The following PRMT8 variants were observed in gnomAD, a reference collection of about 807,000 sequenced individuals.
The protein encoded by PRMT8 is protein arginine N-methyltransferase 8.
In PRMT8, 7 loss-of-function variants were observed where a neutral mutation model predicts 47.1. That is an observed-to-expected ratio of 0.15 (90% CI 0.08 to 0.28). The LOEUF (loss-of-function observed/expected upper bound fraction) is 0.28. Ranked by LOEUF, PRMT8 falls within the 10% of genes least tolerant of loss-of-function variation. The pLI, the probability that PRMT8 is intolerant of heterozygous loss-of-function variation, is 1.00. For missense variants in PRMT8, 237 were observed against 505.4 expected (o/e 0.47, Z 5.09); for synonymous variants, 188 against 186.5 (o/e 1.01, Z -0.07).
intron 1 of PRMT8, among the ~76,000 whole-genome samples, chr12:3,419,859 A>G (rs902739784): frequency 6.6e-6 from 1 of 151,380 alleles, no homozygotes; most frequent in Non-Finnish European, 1.5e-5. Context: ...CACCCCAGCC[A>G]GAAGGATGCT....
At chr12:3,479,954 G>A (rs1040723136) in intron 1 of PRMT8, among the ~76,000 whole-genome samples, 4 of 152,172 alleles carry the variant, frequency 2.6e-5, no homozygotes, top group Non-Finnish European at 5.9e-5. Context: ...AAACGTGTGA[G>A]GGGGAGGATG....
chr12:3,407,367 CT>C (rs56668996), intron 1 of PRMT8, among the ~76,000 whole-genome samples: 46,177 of 150,760 alleles, frequency 0.31, 8,058 homozygotes, highest in African/African-American at 0.48. Context: ...TCTTGGCTGA[CT>C]TTTTTTTTTC....
intron 1 of PRMT8, among the ~76,000 whole-genome samples, chr12:3,426,813 G>A (rs889364634): frequency 1.9e-4 from 29 of 152,090 alleles, no homozygotes; most frequent in South Asian, 6.2e-4. Flanking sequence ...TTCTTGACTC[G>A]GTTGTGGTGA....
chr12:3,398,540 GAA>G (rs2137049725), intron 1 of PRMT8, among the ~76,000 whole-genome samples: 1 of 152,338 alleles, frequency 6.6e-6, no homozygotes, highest in South Asian at 2.1e-4. Flanking sequence ...ATTGCACAGT[GAA>G]AGATTTAGTG....
intron 1 of PRMT8, among the ~76,000 whole-genome samples, chr12:3,539,633 G>A (rs1264410181): frequency 6.6e-6 from 1 of 152,096 alleles, no homozygotes; most frequent in Non-Finnish European, 1.5e-5. Flanking sequence ...TGAGCTTCTG[G>A]GCTCCAATTG....
At position 3,450,667 on chromosome 12, in the gene PRMT8, G is replaced by C. The variant is rs76395059; in HGVS notation, c.48+69225G>C. On this transcript the variant is annotated intron_variant, in intron 1 of 9. Coordinates refer to the PRMT8 transcript ENST00000452611. ...TTCCATGTAAAAAGTGGCTAGTTTA[G>C]CCTGCAACTCAATTCCACACTGCTT... is the stretch of plus-strand genomic sequence containing the variant. Among the ~76,000 whole-genome samples, 92 of 152,266 alleles carry C rather than the reference G, an allele frequency of 6.0e-4. 1 individual carries two copies. In the East Asian group the frequency reaches 0.016, roughly 26 times the overall value.
intron 1 of PRMT8, among the ~76,000 whole-genome samples, chr12:3,496,214 A>ATATATATATATATTTTTTTTTTTT: frequency 3.6e-5 from 1 of 27,774 alleles, no homozygotes. Context: ...ATATATATAT[A>ATATATATATATATTTTTTTTTTTT]TTTTTTTTTT....
At chr12:3,486,337 C>T (rs1865323520), upstream of PRMT8, among the ~76,000 whole-genome samples, 1 of 152,008 alleles carries the variant, frequency 6.6e-6, no homozygotes, top group African/African-American at 2.4e-5. Context: ...CCGATGGTAC[C>T]TAAATCTATT....
intron 7 of PRMT8, among the ~76,000 whole-genome samples, chr12:3,579,462 G>A (rs1322599429): frequency 6.6e-6 from 1 of 152,138 alleles, no homozygotes; most frequent in Non-Finnish European, 1.5e-5. Context: ...AGCGGCTGGA[G>A]GGGTGTGTGT....
At chr12:3,507,143 A>C (rs989637191) in intron 1 of PRMT8, among the ~76,000 whole-genome samples, 32 of 127,642 alleles carry the variant, frequency 2.5e-4, no homozygotes, top group African/African-American at 9.3e-4. Flanking sequence ...TTTTTTTGAG[A>C]CGGAGTCTCG....
chr12:3,569,703 G>C lies in PRMT8; in HGVS notation c.712+139G>C. ...GAGGAGCTTATCTGGGACCCTTTCT[G>C]GAGTCTGCTCTCTAAATGTTTCTAT... On this transcript the variant is annotated intron_variant, in intron 6 of 9. Transcript: ENST00000382622. This position sits in a 1 kb window ranked among gnomAD's most constrained non-coding sequence, Gnocchi z 8.2. 2 of 724,858 alleles carry C rather than the reference G, an allele frequency of 2.8e-6. No homozygotes were observed. Among genetic ancestry groups the C allele is most frequent in the South Asian group, 3.2e-5 (2 of 63,468 alleles). 44.9% of individuals were successfully genotyped at this position (724,858 alleles called of 1,614,324 possible). A position where few individuals can be genotyped will look rare whatever the true frequency, so the allele number is the denominator to read the frequency against.
At chr12:3,519,107 T>G (rs907182596) in intron 1 of PRMT8, among the ~76,000 whole-genome samples, 3 of 152,160 alleles carry the variant, frequency 2.0e-5, no homozygotes, top group African/African-American at 7.2e-5. Flanking sequence ...CTTTGTCATT[T>G]TGGCAGAACT....
chr12:3,563,891 A>C (rs922718207), intron 4 of PRMT8, among the ~76,000 whole-genome samples: 7 of 152,138 alleles, frequency 4.6e-5, no homozygotes, highest in African/African-American at 1.7e-4. Flanking sequence ...TGTCACAATT[A>C]GGACTAGTTT....
chr12:3,391,074 G>C (rs1343117906), intron 1 of PRMT8, among the ~76,000 whole-genome samples: 5 of 152,142 alleles, frequency 3.3e-5, no homozygotes, highest in Non-Finnish European at 7.4e-5. Context: ...CACCAGAGTT[G>C]CTCCTTCTTT....
rs780891168 is a variant in PRMT8, at chr12:3,453,764, C to T, written c.48+72322C>T. Among the ~76,000 whole-genome samples the T allele has an allele frequency of 3.2e-4, 48 of 152,212 alleles. No homozygotes were observed. Among genetic ancestry groups the T allele is most frequent in the Middle Eastern group, 3.4e-3 (1 of 294 alleles). On this transcript the variant is annotated intron_variant, in intron 1 of 9. Coordinates refer to the PRMT8 transcript ENST00000452611. The surrounding 1 kb of genome is among the most constrained non-coding windows in gnomAD (Gnocchi z 4.9). ...CTGTGGTCTGTGTCCTGACGTGGCC[C>T]GACTGTGGACCCCCTTGTCCTCCTG...
At chr12:3,537,287 A>G (rs867729747) in intron 1 of PRMT8, among the ~76,000 whole-genome samples, 1 of 152,226 alleles carries the variant, frequency 6.6e-6, no homozygotes, top group Non-Finnish European at 1.5e-5. Flanking sequence ...TTTTTGTTGC[A>G]CATCAACCTG....
intron 1 of PRMT8, among the ~76,000 whole-genome samples, chr12:3,506,184 C>G (rs1014930413): frequency 3.5e-4 from 54 of 152,164 alleles, no homozygotes; most frequent in Admixed American, 3.5e-3. Flanking sequence ...GGGATTCATC[C>G]TCTATGATAT....
intron 1 of PRMT8, among the ~76,000 whole-genome samples, chr12:3,399,584 A>C (rs1263575881): frequency 2.6e-5 from 4 of 152,202 alleles, no homozygotes; most frequent in African/African-American, 9.7e-5. Flanking sequence ...TATCAGGAAT[A>C]TAACTGTACC....
At chr12:3,588,464 G>A (rs1435302306) in intron 8 of PRMT8, among the ~76,000 whole-genome samples, 2 of 152,174 alleles carry the variant, frequency 1.3e-5, no homozygotes, top group African/African-American at 4.8e-5. Flanking sequence ...TCAGCTCCCT[G>A]TGTTCCCAAG....
Sources: allele counts gnomAD v4.1 joint callset (sites outside exome capture counted in the v4.1 genomes callset), GRCh38; gene constraint gnomAD v4.1.1; non-coding constraint Gnocchi (gnomAD v3.1); transcripts MANE v1.5; gene names NCBI Gene and HGNC (gene_info 2026-07-23, HGNC 2026-07-21).